The following SLC8A1 variants were observed in gnomAD, a reference collection of about 807,000 sequenced individuals.
SLC8A1 encodes sodium/calcium exchanger 1.
Under a neutral mutation model 68.3 loss-of-function variants are expected in SLC8A1, and 18 were observed. The observed-to-expected ratio is 0.26, with a 90% CI of 0.18 to 0.39. SLC8A1 has a LOEUF of 0.39. Among genes scored for constraint, SLC8A1 ranks in the 10% least tolerant of loss-of-function variants. The pLI, the probability that SLC8A1 is intolerant of heterozygous loss-of-function variation, is 1.00. For missense variants in SLC8A1, 985 were observed against 1,156.7 expected (o/e 0.85, Z 2.15); for synonymous variants, 475 against 415.5 (o/e 1.14, Z -1.74).
intron 2 of SLC8A1, among the ~76,000 whole-genome samples, chr2:40,406,499 T>C (rs1690386569): frequency 6.6e-6 from 1 of 152,216 alleles, no homozygotes; most frequent in Admixed American, 6.5e-5. Flanking sequence ...TATCAAAGTC[T>C]GCAGCTTTTC....
chr2:40,160,427 C>T (rs571065194), intron 6 of SLC8A1, among the ~76,000 whole-genome samples: 1 of 152,148 alleles, frequency 6.6e-6, no homozygotes, highest in Admixed American at 6.6e-5. Context: ...TTGACCTTGA[C>T]TTGGCCACCT....
At chr2:40,419,982 AGAAACACCT>A (rs1263702943) in intron 2 of SLC8A1, among the ~76,000 whole-genome samples, 1 of 152,234 alleles carries the variant, frequency 6.6e-6, no homozygotes, top group African/African-American at 2.4e-5. Flanking sequence ...AATTTGTTAT[AGAAACACCT>A]GAACATTGGT....
intron 1 of SLC8A1, among the ~76,000 whole-genome samples, chr2:40,497,953 C>G (rs1204203511): frequency 6.6e-6 from 1 of 151,882 alleles, no homozygotes; most frequent in Non-Finnish European, 1.5e-5. Context: ...CATGCTATTG[C>G]AATAACTTAT....
chr2:40,242,174 G>A (rs1191222558), intron 2 of SLC8A1, among the ~76,000 whole-genome samples: 2 of 151,848 alleles, frequency 1.3e-5, no homozygotes, highest in Non-Finnish European at 2.9e-5. Context: ...GAGAGACAGA[G>A]AATATGAATA....
intron 1 of SLC8A1, among the ~76,000 whole-genome samples, chr2:40,483,400 G>T (rs548230848): frequency 6.6e-6 from 1 of 152,004 alleles, no homozygotes; most frequent in Non-Finnish European, 1.5e-5. Context: ...AGAGGGAGAG[G>T]GTGGGTGAGA....
chr2:40,235,219 CA>C (rs1322739869), intron 2 of SLC8A1, among the ~76,000 whole-genome samples: 3 of 152,044 alleles, frequency 2.0e-5, no homozygotes, highest in Non-Finnish European at 4.4e-5. Flanking sequence ...GCTGTGAATC[CA>C]TCTGGTCCTG....
At chr2:40,444,206 A>G (rs569878225) in intron 1 of SLC8A1, among the ~76,000 whole-genome samples, 9 of 152,144 alleles carry the variant, frequency 5.9e-5, no homozygotes, top group African/African-American at 1.9e-4. Flanking sequence ...AGGCACAGTG[A>G]CATATGTCTG....
At chr2:40,309,821 T>C (rs1459707553) in intron 2 of SLC8A1, among the ~76,000 whole-genome samples, 2 of 152,250 alleles carry the variant, frequency 1.3e-5, no homozygotes, top group East Asian at 1.9e-4. Context: ...TTTTTATTGA[T>C]ATATAATTTA....
chr2:40,298,967 T>C (rs1234402602), intron 2 of SLC8A1, among the ~76,000 whole-genome samples: 1 of 151,990 alleles, frequency 6.6e-6, no homozygotes, highest in Non-Finnish European at 1.5e-5. Context: ...AGTGGCCACA[T>C]ACTGGGAGTA....
intron 1 of SLC8A1, among the ~76,000 whole-genome samples, chr2:40,492,400 A>T (rs1705377523): frequency 6.6e-6 from 1 of 152,136 alleles, no homozygotes; most frequent in Non-Finnish European, 1.5e-5. Flanking sequence ...CCTAGAAGAA[A>T]ACCTAGGCAT....
chr2:40,401,476 C>G (rs535055724), intron 2 of SLC8A1, among the ~76,000 whole-genome samples: 9 of 149,062 alleles, frequency 6.0e-5, no homozygotes, highest in Admixed American at 1.4e-4. Flanking sequence ...AACATTTCTT[C>G]TCCCATACTA....
chr2:40,447,617 A>G (rs909496134), intron 1 of SLC8A1, among the ~76,000 whole-genome samples: 2 of 151,160 alleles, frequency 1.3e-5, no homozygotes, highest in African/African-American at 4.9e-5. Context: ...AAGAAAGAAC[A>G]TATGCTAATG....
chr2:40,155,092 A>G (rs1267107567), intron 6 of SLC8A1, among the ~76,000 whole-genome samples: 1 of 152,082 alleles, frequency 6.6e-6, no homozygotes, highest in East Asian at 1.9e-4. Context: ...TTCTAGACAC[A>G]CTGAGGCTAT....
exon 8 of SLC8A1, chr2:40,104,681 A>G (rs1178734927): frequency 2.0e-5 from 3 of 152,174 alleles, no homozygotes; most frequent in African/African-American, 7.2e-5. Context: ...TGAATTCTTT[A>G]TATACCATTT....
chr2:40,408,285 C>G lies in SLC8A1; in HGVS notation c.1808+20188G>C, dbSNP rs77294720. Among the ~76,000 whole-genome samples, 406 of 152,304 alleles carry G rather than the reference C, an allele frequency of 2.7e-3. 3 individuals carry two copies. The highest frequency in any genetic ancestry group is 9.6e-3 in the African/African-American group (399 of 41,570). On this transcript the variant is annotated intron_variant, in intron 2 of 7. Transcript: ENST00000406785. ...CCTTCAAAAGTCTTTATGTTGTTCT[C>G]TGTGAGATACACAGTTACTCAAATA...
upstream of SLC8A1, among the ~76,000 whole-genome samples, chr2:40,456,055 G>A (rs540140657): frequency 1.3e-5 from 2 of 152,318 alleles, no homozygotes; most frequent in Admixed American, 1.3e-4. Flanking sequence ...GGTGGCTCAC[G>A]CCTGTAATCC....
intron 7 of SLC8A1, among the ~76,000 whole-genome samples, chr2:40,124,325 CTAGT>C (rs1303722657): frequency 6.6e-6 from 1 of 152,096 alleles, no homozygotes; most frequent in Non-Finnish European, 1.5e-5. Flanking sequence ...GGATATCTAC[CTAGT>C]TAGTTACTCA....
intron 1 of SLC8A1, among the ~76,000 whole-genome samples, chr2:40,441,546 C>G (rs967090284): frequency 3.3e-5 from 5 of 151,714 alleles, no homozygotes; most frequent in Non-Finnish European, 5.9e-5. Context: ...CAAAACAGTA[C>G]GGTACGGGTA....
At chr2:40,438,054 G>A (rs1373976420) in intron 1 of SLC8A1, among the ~76,000 whole-genome samples, 1 of 152,084 alleles carries the variant, frequency 6.6e-6, no homozygotes, top group Admixed American at 6.6e-5. Context: ...TGAGTCTTGA[G>A]TTAATAAACC....
Sources: allele counts gnomAD v4.1 joint callset (sites outside exome capture counted in the v4.1 genomes callset), GRCh38; gene constraint gnomAD v4.1.1; transcripts MANE v1.5; gene names NCBI Gene and HGNC (gene_info 2026-07-23, HGNC 2026-07-21).